The following TULP4 variants were observed in gnomAD, a reference collection of about 807,000 sequenced individuals.
TULP4 encodes tubby-related protein 4.
TULP4 carries 16 observed loss-of-function variants against 129.0 expected under a neutral mutation model. That is an observed-to-expected ratio of 0.12 (90% CI 0.08 to 0.19). TULP4 has a LOEUF of 0.19. Among genes scored for constraint, TULP4 ranks in the 10% least tolerant of loss-of-function variants. The pLI is 1.00. For synonymous variants in TULP4, 998 were observed against 854.0 expected (o/e 1.17, Z -2.94); for missense variants, 1,842 against 2,059.1 (o/e 0.89, Z 2.04).
At chr6:158,318,490 T>C (rs2128485522) in intron 1 of TULP4, among the ~76,000 whole-genome samples, 1 of 152,300 alleles carries the variant, frequency 6.6e-6, no homozygotes, top group South Asian at 2.1e-4. Context: ...TCATGTTGTT[T>C]ACAGCAGACT....
intron 1 of TULP4, chr6:158,242,527 T>C: frequency 1.3e-6 from 1 of 755,394 alleles, no homozygotes; most frequent in Non-Finnish European, 2.5e-6. Flanking sequence ...CTTTCTACTG[T>C]CTTCAAGACA....
At chr6:158,418,855 A>G (rs1778273883) in intron 2 of TULP4, among the ~76,000 whole-genome samples, 1 of 152,182 alleles carries the variant, frequency 6.6e-6, no homozygotes, top group African/African-American at 2.4e-5. Flanking sequence ...TGGTATCTCT[A>G]AGAAGCTTCA....
At chr6:158,464,638 A>T (rs1277122980) in intron 6 of TULP4, among the ~76,000 whole-genome samples, 7 of 152,132 alleles carry the variant, frequency 4.6e-5, no homozygotes, top group Admixed American at 2.6e-4. Context: ...TGACCTTGTG[A>T]TCCGCCCTCC....
intron 1 of TULP4, among the ~76,000 whole-genome samples, chr6:158,338,439 ACT>A (rs1466969503): frequency 2.0e-5 from 3 of 152,090 alleles, no homozygotes; most frequent in Non-Finnish European, 4.4e-5. Flanking sequence ...TATTTTGGAC[ACT>A]CTCATGCAGC....
At chr6:158,251,195 G>T (rs568059784) in intron 1 of TULP4, among the ~76,000 whole-genome samples, 1 of 152,326 alleles carries the variant, frequency 6.6e-6, no homozygotes, top group Admixed American at 6.5e-5. Flanking sequence ...ATTATTTTGA[G>T]AAGCAGATTA....
At chr6:158,395,336 T>G (rs992587819) in intron 1 of TULP4, among the ~76,000 whole-genome samples, 1 of 151,898 alleles carries the variant, frequency 6.6e-6, no homozygotes, top group Non-Finnish European at 1.5e-5. Context: ...ATCCCAGCAC[T>G]TTGGGAGGCT....
intron 1 of TULP4, among the ~76,000 whole-genome samples, chr6:158,296,784 C>A (rs769945731): frequency 1.3e-5 from 2 of 152,086 alleles, no homozygotes; most frequent in Non-Finnish European, 2.9e-5. Context: ...AGCCTCAAAA[C>A]CAACAAGTTT....
chr6:158,468,539 A>G (rs886792841), intron 6 of TULP4, among the ~76,000 whole-genome samples: 3 of 152,228 alleles, frequency 2.0e-5, no homozygotes, highest in East Asian at 3.8e-4. Flanking sequence ...CAATCGTAAC[A>G]TAATTTCTTT....
At chr6:158,451,870 A>G (rs1779167493) in intron 4 of TULP4, among the ~76,000 whole-genome samples, 1 of 152,238 alleles carries the variant, frequency 6.6e-6, no homozygotes, top group African/African-American at 2.4e-5. Flanking sequence ...ACTTTCACAC[A>G]TATTCTCACC....
chr6:158,491,287 G>A (rs1562589004), intron 9 of TULP4, among the ~76,000 whole-genome samples: 1 of 152,144 alleles, frequency 6.6e-6, no homozygotes, highest in African/African-American at 2.4e-5. Context: ...ATGCTGCTTC[G>A]TTTGCATGTT....
At chr6:158,300,846 G>A (rs1342004367) in intron 1 of TULP4, among the ~76,000 whole-genome samples, 1 of 152,194 alleles carries the variant, frequency 6.6e-6, no homozygotes, top group Non-Finnish European at 1.5e-5. Context: ...GGCACTGAGG[G>A]CAGTGGTGGA....
upstream of TULP4, among the ~76,000 whole-genome samples, chr6:158,281,537 C>T (rs2128466585): frequency 6.6e-6 from 1 of 152,236 alleles, no homozygotes; most frequent in East Asian, 1.9e-4. Flanking sequence ...TTGATGGGGG[C>T]AGGTGGTTAC....
chr6:158,480,315 C>T (rs995278543), intron 7 of TULP4, among the ~76,000 whole-genome samples: 5 of 152,246 alleles, frequency 3.3e-5, no homozygotes, highest in African/African-American at 1.2e-4. Context: ...CTTGTTCAGT[C>T]CTGACTTCCT....
At chr6:158,393,902 C>T (rs1777650228) in intron 1 of TULP4, among the ~76,000 whole-genome samples, 1 of 152,228 alleles carries the variant, frequency 6.6e-6, no homozygotes, top group African/African-American at 2.4e-5. Context: ...TAGCTGGCAG[C>T]TTGAATTTCT....
At chr6:158,387,437 A>T (rs1201588538) in intron 1 of TULP4, among the ~76,000 whole-genome samples, 1 of 152,228 alleles carries the variant, frequency 6.6e-6, no homozygotes, top group African/African-American at 2.4e-5. Context: ...AAAATTGATT[A>T]TAATAGGAAA....
chr6:158,423,932 G>A (rs536942440), intron 2 of TULP4, among the ~76,000 whole-genome samples: 6 of 152,120 alleles, frequency 3.9e-5, no homozygotes, highest in South Asian at 2.1e-4. Context: ...GAGCCACCGC[G>A]CCTGGCCAAC....
intron 6 of TULP4, 30 bp from the exon 7 acceptor site, chr6:158,479,721 A>G (rs1435906070): frequency 6.2e-7 from 1 of 1,600,170 alleles, no homozygotes; most frequent in Non-Finnish European, 8.6e-7. Flanking sequence ...GCAAAAGCTT[A>G]AGCATTGTCT....
intron 1 of TULP4, among the ~76,000 whole-genome samples, chr6:158,301,691 G>A (rs200291324): frequency 2.5e-4 from 38 of 152,268 alleles, no homozygotes; most frequent in Non-Finnish European, 4.3e-4. Context: ...GCAATGAAGC[G>A]AAAACCAGAA....
chr6:158,261,724 T>A (rs2098931), intron 1 of TULP4, among the ~76,000 whole-genome samples: 49,971 of 152,000 alleles, frequency 0.33, 9,206 homozygotes, highest in Admixed American at 0.45. Flanking sequence ...GTCTGGAGGC[T>A]GGTGGGCGTG....
Sources: allele counts gnomAD v4.1 joint callset (sites outside exome capture counted in the v4.1 genomes callset), GRCh38; gene constraint gnomAD v4.1.1; transcripts MANE v1.5; gene names NCBI Gene and HGNC (gene_info 2026-07-23, HGNC 2026-07-21).